Variants in EBF4 observed in about 807,000 individuals in gnomAD.
EBF4 encodes the protein EBF transcription factor 4.
In EBF4, 34 loss-of-function variants were observed where a neutral mutation model predicts 67.1. That is an observed-to-expected ratio of 0.51 (90% CI 0.39 to 0.67). The LOEUF is 0.67. Among genes scored for constraint, EBF4 ranks in the 30% least tolerant of loss-of-function variants. The pLI, the probability that EBF4 is intolerant of heterozygous loss-of-function variation, is 0.00. For synonymous variants in EBF4, 387 were observed against 377.7 expected, an observed-to-expected ratio of 1.02 and a Z score of -0.29; for missense variants, 837 against 873.3, an observed-to-expected ratio of 0.96 and a Z score of 0.52.
intron 6 of EBF4, among the ~76,000 whole-genome samples, chr20:2,720,741 A>G (rs1050963191): frequency 6.6e-6 from 1 of 152,106 alleles, no homozygotes; most frequent in Non-Finnish European, 1.5e-5. Context: ...TGTAGTTACC[A>G]TTTCCTTTCT....
At chr20:2,693,326 C>A (rs1351618445), upstream of EBF4, among the ~76,000 whole-genome samples, 1 of 150,264 alleles carries the variant, frequency 6.7e-6, no homozygotes, top group Non-Finnish European at 1.5e-5. The surrounding 1 kb of genome is among the most constrained non-coding windows in gnomAD (Gnocchi z 4.6). Flanking sequence ...GCCTCTGGGG[C>A]GCCTCCGCGC....
At chr20:2,746,361 C>G (rs57923352) in intron 6 of EBF4, among the ~76,000 whole-genome samples, 2 of 151,962 alleles carry the variant, frequency 1.3e-5, no homozygotes, top group Admixed American at 6.5e-5. Context: ...GGGTATCCTG[C>G]AGGGGTAAAT....
rs575555661 is a variant in EBF4, at chr20:2,709,014, C to T, written c.489-560C>T. Among the ~76,000 whole-genome samples, 11 of 152,150 alleles carry T rather than the reference C, an allele frequency of 7.2e-5. No homozygotes were observed. The South Asian group carries it at 1.2e-3, about 17-fold the overall frequency. On this transcript the variant is annotated intron_variant, in intron 5 of 16. Coordinates refer to ENST00000609451, the Ensembl canonical transcript of EBF4. ...CAGCCTGGCCAACGTGGTGAAACCCCGTCTCTACCAAAATTACAAAAATTA... is the reference window on the plus strand; with the variant it reads ...CAGCCTGGCCAACGTGGTGAAACCCTGTCTCTACCAAAATTACAAAAATTA...
chr20:2,732,452 A>G (rs2087826807), intron 6 of EBF4, among the ~76,000 whole-genome samples: 1 of 152,148 alleles, frequency 6.6e-6, no homozygotes, highest in Non-Finnish European at 1.5e-5. Context: ...TATAATTGTT[A>G]TTTCTTTCTG....
intron 1 of EBF4, among the ~76,000 whole-genome samples, chr20:2,704,627 C>A (rs907690631): frequency 1.1e-4 from 16 of 152,360 alleles, no homozygotes; most frequent in African/African-American, 3.6e-4. Context: ...GCCACCATTC[C>A]ATGAAGCCTT....
At position 2,708,495 on chromosome 20, in the gene EBF4, T is replaced by C. The variant is rs118005951; in HGVS notation, c.488+475T>C. ...CCAGAGCTTGGCATTTCTAGTAAGG[T>C]CTCCCCAAGAGATGCCAGTCGTACA... On this transcript the variant is annotated intron_variant, in intron 5 of 16. Coordinates refer to ENST00000609451, the Ensembl canonical transcript of EBF4. 3.2e-3 allele frequency among the ~76,000 whole-genome samples: 488 copies of C among 152,228 alleles called. 8 individuals carry two copies. In the East Asian group the frequency reaches 0.074, roughly 23 times the overall value.
At chr20:2,705,873 G>T in intron 2 of EBF4, 101 bp from the exon 3 acceptor site, 1 of 1,491,208 alleles carries the variant, frequency 6.7e-7, no homozygotes. Context: ...TGGCTGAGTG[G>T]CTGGAAGGGT....
intron 6 of EBF4, among the ~76,000 whole-genome samples, chr20:2,737,373 A>G (rs986103416): frequency 2.6e-5 from 4 of 152,146 alleles, no homozygotes; most frequent in African/African-American, 9.7e-5. Flanking sequence ...CTGCAACTTG[A>G]ATAATAAGCT....
At chr20:2,700,889 A>G (rs59582381) in intron 1 of EBF4, among the ~76,000 whole-genome samples, 1,606 of 152,302 alleles carry the variant, frequency 0.011, 33 homozygotes, top group African/African-American at 0.037. Flanking sequence ...ATTCCCCGCA[A>G]CATGCTGTTC....
chr20:2,742,285 C>G (rs938145036), intron 6 of EBF4, among the ~76,000 whole-genome samples: 2 of 152,196 alleles, frequency 1.3e-5, no homozygotes, highest in East Asian at 3.8e-4. Flanking sequence ...CAGACCGACA[C>G]GACCTGGGGG....
intron 1 of EBF4, among the ~76,000 whole-genome samples, chr20:2,697,494 G>A (rs935199433): frequency 9.2e-5 from 14 of 151,482 alleles, no homozygotes; most frequent in South Asian, 6.3e-4. Context: ...GCAGTGAGCC[G>A]AGATCGCGCC....
Position 2,739,392 on chromosome 20 carries a change from C to T in EBF4, c.558-9157C>T, listed in dbSNP as rs1331973836. On this transcript the variant is annotated intron_variant, in intron 6 of 16. Transcript: ENST00000609451. The surrounding 1 kb of genome is among the most constrained non-coding windows in gnomAD (Gnocchi z 4.5). ...CGGTGAGATCCTCCAAGACCCATCA[C>T]CCAAGACCAAATTGGAGCTCTAGGA... Among the ~76,000 whole-genome samples, 2 of 152,052 alleles carry T rather than the reference C, an allele frequency of 1.3e-5. No individual in the cohort carries two copies. Among genetic ancestry groups the T allele is most frequent in the African/African-American group, 4.8e-5 (2 of 41,404 alleles).
chr20:2,750,130 G>T (rs73892666), intron 10 of EBF4, among the ~76,000 whole-genome samples, 157 bp downstream of exon 10: 16,415 of 152,080 alleles, frequency 0.11, 937 homozygotes, highest in East Asian at 0.18. Context: ...CTATGCCTGT[G>T]ATCGCTCCGC....
intron 6 of EBF4, among the ~76,000 whole-genome samples, chr20:2,722,189 C>T (rs567177164): frequency 9.2e-5 from 14 of 152,290 alleles, no homozygotes; most frequent in African/African-American, 3.1e-4. Context: ...GTATGTGCCA[C>T]TGCCCTCATT....
At chr20:2,758,855 G>T (rs1568591832) in intron 15 of EBF4, 54 bp from the exon 16 acceptor site, 9 of 1,489,380 alleles carry the variant, frequency 6.0e-6, no homozygotes, top group Non-Finnish European at 8.3e-6. Flanking sequence ...TGACAGGCAG[G>T]TGGCTTCCCA....
intron 6 of EBF4, among the ~76,000 whole-genome samples, chr20:2,713,082 T>C (rs993664616): frequency 6.6e-6 from 1 of 152,080 alleles, no homozygotes; most frequent in Non-Finnish European, 1.5e-5. Flanking sequence ...AGGAATCAGA[T>C]GATGTCTGGA....
chr20:2,706,160 G>T, intron 3 of EBF4, 49 bp from the exon 4 acceptor site: 1 of 1,551,430 alleles, frequency 6.4e-7, no homozygotes, highest in Non-Finnish European at 8.7e-7. Flanking sequence ...GGTCATTGAG[G>T]CTGCACATGC....
intron 10 of EBF4, among the ~76,000 whole-genome samples, chr20:2,750,263 C>A (rs2088122746): frequency 1.3e-5 from 2 of 152,178 alleles, no homozygotes; most frequent in Non-Finnish European, 2.9e-5. Context: ...CATCTCACCT[C>A]CTGAACATTG....
chr20:2,701,796 C>T (rs1271654321), intron 1 of EBF4, among the ~76,000 whole-genome samples: 1 of 152,222 alleles, frequency 6.6e-6, no homozygotes, highest in Non-Finnish European at 1.5e-5. Flanking sequence ...CCTGGGAGTG[C>T]TTCACAAACC....
Sources: allele counts gnomAD v4.1 joint callset (sites outside exome capture counted in the v4.1 genomes callset), GRCh38; gene constraint gnomAD v4.1.1; non-coding constraint Gnocchi (gnomAD v3.1); transcripts MANE v1.5; gene names NCBI Gene and HGNC (gene_info 2026-07-23, HGNC 2026-07-21).